The following ZNF560 variants were observed in gnomAD, a reference collection of about 807,000 sequenced individuals.
The protein encoded by ZNF560 is zinc finger protein 560.
ZNF560 carries 54 observed loss-of-function variants against 81.8 expected under a neutral mutation model. That is an observed-to-expected ratio of 0.66 (90% CI 0.53 to 0.83). ZNF560 has a LOEUF of 0.83. ZNF560 is among the 40% of genes least tolerant of loss of function. ZNF560 has a pLI of 0.00. For synonymous variants in ZNF560, 321 were observed against 317.9 expected (o/e 1.01, Z -0.10); for missense variants, 940 against 932.4 (o/e 1.01, Z -0.11).
At chr19:9,450,669 ACAGGCATG>A in the ZNF560 span, among the ~76,000 whole-genome samples, 1 of 152,274 alleles carries the variant, frequency 6.6e-6, no homozygotes, top group East Asian at 1.9e-4. Context: ...ATCTGGGATT[ACAGGCATG>A]CAGCACCATA....
In ZNF560 at chr19:9,466,876, T is replaced by C. The variant is rs1372671233; in HGVS notation, c.2071A>G (p.Asn691Asp). ...AAGCACATGGAATTTCGAAAGGAATTTCCACATGCGTTACATTCAGAGGTC... is the reference window on the plus strand; with the variant it reads ...AAGCACATGGAATTTCGAAAGGAATCTCCACATGCGTTACATTCAGAGGTC... Reference protein sequence around the residue: ...EKTSECNACGNSFRNSMCFHD... With the variant: ...EKTSECNACGDSFRNSMCFHD... Residue 691 changes from asparagine (N) to aspartate (D), a missense_variant, in exon 10 of 10, where the codon AAT (asparagine) becomes GAT (aspartate). Coordinates refer to ENST00000301480, the MANE Select transcript of ZNF560 (RefSeq NM_152476.3). 6.2e-7 allele frequency: 1 copy of C among 1,614,088 alleles called. No homozygotes were observed. Among genetic ancestry groups the C allele is most frequent in the South Asian group, 1.1e-5 (1 of 91,082 alleles).
intron 2 of ZNF560, among the ~76,000 whole-genome samples, chr19:9,487,769 T>G (rs1005696031): frequency 1.3e-5 from 2 of 152,214 alleles, no homozygotes; most frequent in African/African-American, 4.8e-5. Flanking sequence ...CATAAGTACC[T>G]TATCATCCTT....
intron 2 of ZNF560, among the ~76,000 whole-genome samples, chr19:9,497,071 A>T (rs1372659260): frequency 2.0e-5 from 3 of 151,982 alleles, no homozygotes; most frequent in African/African-American, 4.8e-5. Context: ...AGCCAATATC[A>T]TGCCACCGCA....
Position 9,468,085 on chromosome 19 carries a change from G to C in ZNF560, c.862C>G (p.Gln288Glu), listed in dbSNP as rs1433748079. 1.2e-6 allele frequency: 2 copies of C among 1,614,036 alleles called. No individual in the cohort carries two copies. Among genetic ancestry groups the C allele is most frequent in the Non-Finnish European group, 1.7e-6 (2 of 1,180,032 alleles). ...TCAGTGCCTTCAAAGGATTTATCTT[G>C]TGTACACTTTCTCTGGACCTGAACA... ...LNVQVQRKCT[Q>E]DKSFEGTDYG... The change falls in exon 10 of 10, where the codon CAA (glutamine) becomes GAA (glutamate). Residue 288 changes from glutamine (Q) to glutamate (E), a missense_variant. Transcript: ENST00000301480.
chr19:9,495,146 A>G lies in ZNF560; in HGVS notation c.-57+2982T>C, dbSNP rs530409173. ...CAGAGCAAGACTCTATCACCAAAAA[A>G]AAATAAATAAAAATAAATAATAATA... On this transcript the variant is annotated intron_variant, in intron 2 of 9. Transcript: ENST00000301480. Among the ~76,000 whole-genome samples the G allele has an allele frequency of 6.6e-5, 10 of 152,184 alleles. No individual in the cohort carries two copies. In the East Asian group the frequency reaches 9.7e-4, roughly 15 times the overall value.
chr19:9,466,464 A>C lies in ZNF560; in HGVS notation c.*110T>G. 1 of 1,013,824 alleles carries C rather than the reference A, an allele frequency of 9.9e-7. No individual in the cohort carries two copies. The highest frequency in any genetic ancestry group is 1.5e-6 in the Non-Finnish European group (1 of 689,432). The allele number at this position is 1,013,824 out of a possible 1,614,324, so 62.8% of individuals were successfully genotyped here. A position where few individuals can be genotyped will look rare whatever the true frequency, so the allele number is the denominator to read the frequency against. ...GATTCAACTGTTCAGGCTTTCTCACATTCCTTACATTGATAGTGTTACTTT... is the reference window on the plus strand; with the variant it reads ...GATTCAACTGTTCAGGCTTTCTCACCTTCCTTACATTGATAGTGTTACTTT... On this transcript the variant is annotated 3_prime_UTR_variant, in exon 10 of 10. Transcript: ENST00000301480.
chr19:9,485,608 T>A (rs919821341), intron 2 of ZNF560, among the ~76,000 whole-genome samples: 12 of 151,172 alleles, frequency 7.9e-5, no homozygotes, highest in Middle Eastern at 3.2e-3. Flanking sequence ...TGCAATGGTG[T>A]GATCTCAGCT....
chr19:9,456,016 G>A, the ZNF560 span, among the ~76,000 whole-genome samples: 1 of 152,180 alleles, frequency 6.6e-6, no homozygotes, highest in Non-Finnish European at 1.5e-5. Context: ...GAAAGCACTG[G>A]GCCAATCAGT....
At chr19:9,490,898 G>A (rs10424931) in intron 2 of ZNF560, among the ~76,000 whole-genome samples, 6,972 of 152,140 alleles carry the variant, frequency 0.046, 543 homozygotes, top group African/African-American at 0.16. Context: ...GGAGAATTAC[G>A]GGGGACTATC....
the ZNF560 span, among the ~76,000 whole-genome samples, chr19:9,448,806 T>G: frequency 1.3e-5 from 2 of 152,014 alleles, no homozygotes; most frequent in Non-Finnish European, 2.9e-5. Context: ...CTCACACATA[T>G]GAGACACCCA....
At chr19:9,498,892 AGGAAGGCGAAACGTCGGGCGAT>A (rs2073606051), upstream of ZNF560, 1 of 152,334 alleles carries the variant, frequency 6.6e-6, no homozygotes, top group Admixed American at 6.5e-5. Context: ...AGAATGGACC[AGGAAGGCGAAACGTCGGGCGAT>A]GGACTCGCCC....
chr19:9,474,822 C>CA (rs2073175203), intron 3 of ZNF560, among the ~76,000 whole-genome samples: 1 of 114,776 alleles, frequency 8.7e-6, no homozygotes, highest in Non-Finnish European at 1.8e-5. Context: ...CCATGCCTGG[C>CA]ATTTTTTTTT....
downstream of ZNF560, among the ~76,000 whole-genome samples, chr19:9,465,860 G>A (rs113265602): frequency 0.048 from 7,331 of 152,212 alleles, 602 homozygotes; most frequent in African/African-American, 0.17. Flanking sequence ...CAGGTGCAGT[G>A]GTGTGTGCCT....
intron 6 of ZNF560, 112 bp from the exon 7 acceptor site, chr19:9,470,630 A>T: frequency 2.7e-6 from 4 of 1,459,730 alleles, no homozygotes; most frequent in Non-Finnish European, 3.8e-6. Context: ...TGCTCCCACT[A>T]TCTACACCCC....
At chr19:9,461,819 A>G (rs1262974853), downstream of ZNF560, among the ~76,000 whole-genome samples, 3 of 152,184 alleles carry the variant, frequency 2.0e-5, no homozygotes. Context: ...CACTCTACAA[A>G]CTTGTCTTCG....
At position 9,467,329 on chromosome 19, in the gene ZNF560, C is replaced by T; in HGVS notation, c.1618G>A (p.Glu540Lys). The change falls in exon 10 of 10, where the codon GAA becomes AAA. Residue 540 changes from glutamate to lysine, a missense_variant. Physicochemically the swap from Glu to Lys is moderately conservative, Grantham distance 56 (BLOSUM62 1). Coordinates refer to ENST00000301480, the MANE Select transcript of ZNF560 (RefSeq NM_152476.3). ...CLRIHMRTHT[E>K]ERLYQCKKCG... Reference sequence around the variant, plus strand: ...TTCTTACATTGATAGAGTCTCTCTTCTGTGTGAGTTCGCATGTGAATACGA... The same window carrying T: ...TTCTTACATTGATAGAGTCTCTCTTTTGTGTGAGTTCGCATGTGAATACGA... 6.2e-7 allele frequency: 1 copy of T among 1,614,142 alleles called. No individual in the cohort carries two copies. Among genetic ancestry groups the T allele is most frequent in the Non-Finnish European group, 8.5e-7 (1 of 1,180,018 alleles).
chr19:9,462,900 A>G (rs920164054), downstream of ZNF560, among the ~76,000 whole-genome samples: 6 of 152,218 alleles, frequency 3.9e-5, no homozygotes, highest in Non-Finnish European at 1.5e-5. Flanking sequence ...CATTCAATAA[A>G]TTCTTAAGCC....
At chr19:9,454,168 T>C in the ZNF560 span, among the ~76,000 whole-genome samples, 4 of 152,242 alleles carry the variant, frequency 2.6e-5, no homozygotes, top group Admixed American at 6.5e-5. Context: ...AGCCTGTCCC[T>C]TGGTTCTCCA....
At chr19:9,474,665 CT>C (rs376066256) in intron 3 of ZNF560, among the ~76,000 whole-genome samples, 7 of 150,352 alleles carry the variant, frequency 4.7e-5, no homozygotes, top group South Asian at 2.1e-4. Flanking sequence ...AATGATTAGC[CT>C]TTTTTTTTGG....
Sources: allele counts gnomAD v4.1 joint callset (sites outside exome capture counted in the v4.1 genomes callset), GRCh38; gene constraint gnomAD v4.1.1; transcripts MANE v1.5; gene names NCBI Gene and HGNC (gene_info 2026-07-23, HGNC 2026-07-21).